The following THUMPD3 variants were observed in gnomAD, a reference collection of about 807,000 sequenced individuals.
THUMPD3 encodes the protein THUMP domain 3 tRNA guanosine methyltransferase, also known as tRNA (guanine(6)-N(2))-methyltransferase THUMP3.
A neutral mutation model predicts 54.5 loss-of-function variants in THUMPD3; 44 were observed. The ratio of observed to expected loss-of-function variants is 0.81; its 90% CI spans 0.63 to 1.04. The LOEUF (loss-of-function observed/expected upper bound fraction) is 1.04, where lower values mean the gene tolerates loss of function less well. Ranked by LOEUF, THUMPD3 falls within the 50% of genes least tolerant of loss-of-function variation. The pLI, the probability that THUMPD3 is intolerant of heterozygous loss-of-function variation, is 0.00. For missense variants in THUMPD3, 604 were observed against 601.3 expected (o/e 1.00, Z -0.05); for synonymous variants, 196 against 201.4 (o/e 0.97, Z 0.23).
chr3:9,384,497 ATTG>A (rs1406188858), intron 9 of THUMPD3, 24 bp from the exon 10 acceptor site: 5 of 1,612,350 alleles, frequency 3.1e-6, no homozygotes, highest in South Asian at 1.1e-5. Context: ...TGTCAACCTA[ATTG>A]TTATTTTTTT....
chr3:9,372,036 T>A (rs2032084555), intron 4 of THUMPD3, among the ~76,000 whole-genome samples: 2 of 152,114 alleles, frequency 1.3e-5, no homozygotes, highest in Admixed American at 6.6e-5. Context: ...CCACCACACC[T>A]GGCTAATTTT....
chr3:9,371,005 T>C lies in THUMPD3; in HGVS notation c.331-55T>C, dbSNP rs1025578694. On this transcript the variant is annotated intron_variant, in intron 3 of 9. Transcript: ENST00000452837. ...TGTCCATAAGCAAAGTAGAGGTTTA[T>C]TTGTTTGATTATAGTGGTGAGAAAT... The C allele has an allele frequency of 3.0e-5, 42 of 1,390,672 alleles. No homozygotes were observed. In the South Asian group the frequency reaches 5.8e-4, roughly 19 times the overall value. 86.1% of individuals were successfully genotyped at this position (1,390,672 alleles called of 1,614,324 possible). A position where few individuals can be genotyped will look rare whatever the true frequency, so the allele number is the denominator to read the frequency against.
At chr3:9,371,035 G>T in intron 3 of THUMPD3, 25 bp from the exon 4 acceptor site, 2 of 1,487,256 alleles carry the variant, frequency 1.3e-6, no homozygotes, top group South Asian at 2.7e-5. Context: ...AGAAATGAAT[G>T]AATTTCTTTC....
chr3:9,382,389 C>T (rs904286741), intron 7 of THUMPD3, among the ~76,000 whole-genome samples: 1 of 151,904 alleles, frequency 6.6e-6, no homozygotes, highest in African/African-American at 2.4e-5. Flanking sequence ...TTCATTCTGT[C>T]TTCTGTCATC....
rs1287468962 is a variant in THUMPD3 at position 9,384,858 on chromosome 3, T to C, written c.*170T>C. 5.3e-6 allele frequency: 4 copies of C among 749,248 alleles called. No homozygotes were observed. The highest frequency in any genetic ancestry group is 8.4e-6 in the Non-Finnish European group (4 of 475,090). 46.4% of individuals were successfully genotyped at this position (749,248 alleles called of 1,614,324 possible). On this transcript the variant is annotated 3_prime_UTR_variant, in exon 10 of 10. Transcript: ENST00000452837. Reference sequence around the variant, plus strand: ...TGTAATGTGATGGAATTTAAAAGTTTTATGAGACCAGGCACAGTGGCTCAC... The same window carrying C: ...TGTAATGTGATGGAATTTAAAAGTTCTATGAGACCAGGCACAGTGGCTCAC...
intron 5 of THUMPD3, among the ~76,000 whole-genome samples, chr3:9,374,850 G>A (rs995863481): frequency 6.6e-6 from 1 of 151,980 alleles, no homozygotes; most frequent in Non-Finnish European, 1.5e-5. Context: ...CTTAATAGGT[G>A]GCTCAGTTTT....
Position 9,371,224 on chromosome 3 carries a change from A to AG in THUMPD3, c.495_496insG (p.Ile166AspfsTer7). 6.2e-7 allele frequency: 1 copy of AG among 1,611,564 alleles called. No homozygotes were observed. The highest frequency in any genetic ancestry group is 8.5e-7 in the Non-Finnish European group (1 of 1,179,384). On this transcript the variant is annotated frameshift_variant, in exon 4 of 10. Coordinates refer to ENST00000452837, the MANE Select transcript of THUMPD3 (RefSeq NM_001114092.2). LOFTEE classifies it high-confidence loss of function. ...AGATTAATAATGGACAAGAAGTCAA[A>AG]ATCGATCAGAGAAATGTTAAAAAAG...
At chr3:9,364,638 C>T (rs3928601) in intron 1 of THUMPD3, among the ~76,000 whole-genome samples, 7 of 152,200 alleles carry the variant, frequency 4.6e-5, no homozygotes, top group East Asian at 1.9e-4. Flanking sequence ...TGAGCCACCA[C>T]GCCCAGCCAA....
intron 1 of THUMPD3, chr3:9,363,988 T>C (rs1313973367): frequency 6.6e-6 from 1 of 151,852 alleles, no homozygotes; most frequent in Non-Finnish European, 1.5e-5. Context: ...CTCGAACTCT[T>C]GGCCTCAAGC....
chr3:9,381,917 C>G (rs1427000486), intron 7 of THUMPD3, among the ~76,000 whole-genome samples: 2 of 150,372 alleles, frequency 1.3e-5, no homozygotes, highest in Non-Finnish European at 3.0e-5. Flanking sequence ...GTAGCTGGGA[C>G]TACAGGCACC....
intron 3 of THUMPD3, among the ~76,000 whole-genome samples, chr3:9,370,654 C>T (rs2648523): frequency 0.59 from 89,356 of 151,978 alleles, 26,459 homozygotes; most frequent in South Asian, 0.77. Flanking sequence ...CCATGTTGCC[C>T]AGTCTGGTCT....
At position 9,386,381 on chromosome 3, in the gene THUMPD3, C is replaced by A. The variant is rs1332254857; in HGVS notation, c.*1693C>A. Reference sequence around the variant, plus strand: ...CACCACGATGTCTTTCCCCACCCCCCCACCCCCCACTCCACCCCCCACTAA... The same window carrying A: ...CACCACGATGTCTTTCCCCACCCCCACACCCCCCACTCCACCCCCCACTAA... On this transcript the variant is annotated 3_prime_UTR_variant, in exon 10 of 10. Coordinates refer to ENST00000452837, the MANE Select transcript of THUMPD3 (RefSeq NM_001114092.2). 7.3e-6 allele frequency: 1 copy of A among 137,920 alleles called. No homozygotes were observed. The highest frequency in any genetic ancestry group is 1.6e-5 in the Non-Finnish European group (1 of 63,278). The allele number at this position is 137,920 out of a possible 1,614,324, so 8.5% of individuals were successfully genotyped here. A position where few individuals can be genotyped will look rare whatever the true frequency, so the allele number is the denominator to read the frequency against.
chr3:9,371,588 A>T, intron 4 of THUMPD3, 52 bp downstream of exon 4: 1 of 1,441,672 alleles, frequency 6.9e-7, no homozygotes, highest in Non-Finnish European at 9.5e-7. Context: ...ACAGATTTGT[A>T]GAATTTCCAG....
rs1559315244 is a variant in THUMPD3, at chr3:9,384,719, A to C, written c.*31A>C. On this transcript the variant is annotated 3_prime_UTR_variant, in exon 10 of 10. Transcript: ENST00000452837. ...ACTAATAGTACTTGTACTTCCCACC[A>C]CTGGAAATGTTAGCATAAAAGAACT... 1.2e-6 allele frequency: 2 copies of C among 1,610,788 alleles called. No individual in the cohort carries two copies. Among genetic ancestry groups the C allele is most frequent in the South Asian group, 2.2e-5 (2 of 90,900 alleles).
Position 9,365,036 on chromosome 3 carries a change from G to C in THUMPD3, c.-33G>C. 1.3e-6 allele frequency: 2 copies of C among 1,598,928 alleles called. No homozygotes were observed. The highest frequency in any genetic ancestry group is 1.3e-5 in the African/African-American group (1 of 74,248). ...TAAAGGACAGTACTGCTTTTAAAGA[G>C]ACAGTGTTAGGGATCTTGGAAGCAC... is the stretch of plus-strand genomic sequence containing the variant. On this transcript the variant is annotated 5_prime_UTR_variant, in exon 2 of 10. Transcript: ENST00000452837.
At chr3:9,378,405 T>TA (rs1471330926) in intron 6 of THUMPD3, among the ~76,000 whole-genome samples, 1 of 152,212 alleles carries the variant, frequency 6.6e-6, no homozygotes, top group Non-Finnish European at 1.5e-5. Flanking sequence ...AAAAACTGTG[T>TA]AAAGCAAAGC....
In THUMPD3 at chr3:9,378,504, T is replaced by C. The variant is rs563033178; in HGVS notation, c.1008+616T>C. ...GTATCATCTATATGTTTTTAAAGAA[T>C]TTAGAAGAGGGAGCTCCCAGTAAAA... On this transcript the variant is annotated intron_variant, in intron 6 of 9. Coordinates refer to ENST00000452837, the MANE Select transcript of THUMPD3 (RefSeq NM_001114092.2). Among the ~76,000 whole-genome samples the C allele has an allele frequency of 2.0e-4, 31 of 152,312 alleles. 1 individual carries two copies. The South Asian group carries it at 6.0e-3, about 30-fold the overall frequency.
In THUMPD3 at chr3:9,384,713, C is replaced by T. The variant is rs532522615; in HGVS notation, c.*25C>T. On this transcript the variant is annotated 3_prime_UTR_variant, in exon 10 of 10. Transcript: ENST00000452837. ...AAGATGACTAATAGTACTTGTACTT[C>T]CCACCACTGGAAATGTTAGCATAAA... 17 of 1,611,694 alleles carry T rather than the reference C, an allele frequency of 1.1e-5. No homozygotes were observed. Among genetic ancestry groups the T allele is most frequent in the Non-Finnish European group, 1.4e-5 (16 of 1,178,286 alleles).
chr3:9,363,252 G>C (rs2031043037), intron 1 of THUMPD3, 125 bp downstream of exon 1: 1 of 152,266 alleles, frequency 6.6e-6, no homozygotes, highest in South Asian at 2.1e-4. Flanking sequence ...GGATCTCGTG[G>C]CGGAGCCCAT....
Sources: allele counts gnomAD v4.1 joint callset (sites outside exome capture counted in the v4.1 genomes callset), GRCh38; gene constraint gnomAD v4.1.1; transcripts MANE v1.5; gene names NCBI Gene and HGNC (gene_info 2026-07-23, HGNC 2026-07-21).